The following CA4 variants were observed in gnomAD, a reference collection of about 807,000 sequenced individuals.
CA4 encodes the protein CA-IV.
In CA4, 24 loss-of-function variants were observed where a neutral mutation model predicts 34.5. That is an observed-to-expected ratio of 0.70 (90% CI 0.50 to 0.98). CA4 has a LOEUF of 0.98. CA4 is among the 50% of genes least tolerant of loss of function. The pLI is 0.00. For synonymous variants in CA4, 178 were observed against 170.6 expected (o/e 1.04, Z -0.34); for missense variants, 394 against 396.7 (o/e 0.99, Z 0.06).
intron 5 of CA4, among the ~76,000 whole-genome samples, chr17:60,170,225 G>T (rs990851865): frequency 6.6e-6 from 1 of 152,194 alleles, no homozygotes; most frequent in Admixed American, 6.5e-5. Context: ...GAAGGAAAAG[G>T]CCCCAGTTTA....
At chr17:60,161,713 G>A (rs1284674709), downstream of CA4, among the ~76,000 whole-genome samples, 2 of 149,874 alleles carry the variant, frequency 1.3e-5, no homozygotes, top group East Asian at 4.0e-4. Context: ...CCAAAAATAA[G>A]TCCCCCCTCC....
downstream of CA4, among the ~76,000 whole-genome samples, chr17:60,159,741 C>T (rs778375610): frequency 6.6e-6 from 1 of 152,128 alleles, no homozygotes; most frequent in African/African-American, 2.4e-5. Flanking sequence ...AGGACCTGGA[C>T]CTTGGAGAGA....
chr17:60,157,903 C>G, intron 5 of CA4, 115 bp downstream of exon 5: 1 of 1,522,190 alleles, frequency 6.6e-7, no homozygotes, highest in Non-Finnish European at 8.9e-7. Flanking sequence ...CCAACTTCCG[C>G]CTCTGTTTCT....
intron 5 of CA4, among the ~76,000 whole-genome samples, chr17:60,169,501 T>G (rs1233303540): frequency 6.6e-6 from 1 of 152,030 alleles, no homozygotes; most frequent in African/African-American, 2.4e-5. Flanking sequence ...ACTTTTTTAT[T>G]TTTTTTAAGA....
At chr17:60,160,518 C>T (rs1267203496), downstream of CA4, among the ~76,000 whole-genome samples, 1 of 151,718 alleles carries the variant, frequency 6.6e-6, no homozygotes, top group East Asian at 2.0e-4. Flanking sequence ...AATTCCAGCA[C>T]TTTGGGAAGC....
downstream of CA4, among the ~76,000 whole-genome samples, chr17:60,160,145 T>C (rs1387103982): frequency 3.3e-5 from 5 of 151,978 alleles, no homozygotes; most frequent in Admixed American, 3.3e-4. Context: ...AGAGGCTGCT[T>C]GGCTGGCTGG....
chr17:60,158,212 C>T, intron 6 of CA4, 71 bp from the exon 7 acceptor site: 7 of 1,604,616 alleles, frequency 4.4e-6, no homozygotes, highest in Non-Finnish European at 6.0e-6. Flanking sequence ...GGGAGCTGGG[C>T]TCTCAGAGTG....
intron 5 of CA4, 132 bp from the exon 6 acceptor site, chr17:60,157,929 C>T (rs1215696709): frequency 9.0e-6 from 14 of 1,550,546 alleles, no homozygotes; most frequent in Middle Eastern, 1.7e-4. Context: ...TGCATGTCCC[C>T]GGGCCAGGTG....
intron 3 of CA4, 73 bp downstream of exon 3, chr17:60,156,788 C>T: frequency 1.4e-6 from 2 of 1,402,458 alleles, no homozygotes; most frequent in Non-Finnish European, 2.0e-6. Context: ...GGGGCTCCTC[C>T]CAGGAGGGTG....
At chr17:60,160,724 C>G (rs2083777207), downstream of CA4, among the ~76,000 whole-genome samples, 3 of 143,678 alleles carry the variant, frequency 2.1e-5, no homozygotes, top group Non-Finnish European at 3.0e-5. Context: ...GCACTCCAAC[C>G]TGGGTGACAG....
At chr17:60,167,369 C>G (rs1489322775) in intron 5 of CA4, among the ~76,000 whole-genome samples, 1 of 152,188 alleles carries the variant, frequency 6.6e-6, no homozygotes, top group Non-Finnish European at 1.5e-5. Flanking sequence ...TAGCCAAGAC[C>G]CAGCCTGTGA....
intron 2 of CA4, among the ~76,000 whole-genome samples, chr17:60,156,096 C>T (rs931462805): frequency 6.6e-6 from 1 of 152,272 alleles, no homozygotes; most frequent in African/African-American, 2.4e-5. Flanking sequence ...TGCTCAGCGC[C>T]CTTCATCAGC....
At chr17:60,166,474 A>C (rs940652086) in intron 5 of CA4, among the ~76,000 whole-genome samples, 2 of 152,220 alleles carry the variant, frequency 1.3e-5, no homozygotes, top group Non-Finnish European at 2.9e-5. Context: ...CAAAGGGTAA[A>C]TGCCTATGTA....
downstream of CA4, among the ~76,000 whole-genome samples, chr17:60,161,749 G>T (rs1460301310): frequency 6.6e-6 from 1 of 151,868 alleles, no homozygotes; most frequent in Non-Finnish European, 1.5e-5. Context: ...CGCAGCTGTG[G>T]GGGAGGGGTG....
intron 7 of CA4, 127 bp from the exon 8 acceptor site, chr17:60,159,103 C>G: frequency 1.3e-6 from 1 of 799,864 alleles, no homozygotes; most frequent in Non-Finnish European, 2.1e-6. Flanking sequence ...ACCTTGAGAG[C>G]CAGGGGTTCA....
chr17:60,156,444 C>T, intron 2 of CA4, 116 bp from the exon 3 acceptor site: 1 of 1,045,540 alleles, frequency 9.6e-7, no homozygotes, highest in South Asian at 1.3e-5. Context: ...CTTCAGGCCA[C>T]CCCAAAGCGT....
chr17:60,170,074 G>T (rs995838437), intron 5 of CA4, among the ~76,000 whole-genome samples: 2 of 152,210 alleles, frequency 1.3e-5, no homozygotes, highest in African/African-American at 4.8e-5. Context: ...CAGCTAGGGA[G>T]TGTGTCGGCC....
At chr17:60,169,844 C>A (rs1414993531) in intron 5 of CA4, among the ~76,000 whole-genome samples, 1 of 152,210 alleles carries the variant, frequency 6.6e-6, no homozygotes, top group Admixed American at 6.5e-5. Context: ...CAAATTTACA[C>A]TGGCTATTTC....
At chr17:60,153,534 C>A (rs751523341) in intron 1 of CA4, among the ~76,000 whole-genome samples, 1 of 152,192 alleles carries the variant, frequency 6.6e-6, no homozygotes, top group Non-Finnish European at 1.5e-5. Context: ...TCTTAATAAA[C>A]GTGCTTTTCC....
Sources: allele counts gnomAD v4.1 joint callset (sites outside exome capture counted in the v4.1 genomes callset), GRCh38; gene constraint gnomAD v4.1.1; transcripts MANE v1.5; gene names NCBI Gene and HGNC (gene_info 2026-07-23, HGNC 2026-07-21).